Variants in SERPINB5 observed in about 807,000 individuals in gnomAD.
The protein encoded by SERPINB5 is serpin family B member 5.
SERPINB5 carries 27 observed loss-of-function variants against 32.2 expected under a neutral mutation model. The observed-to-expected ratio is 0.84, with a 90% CI of 0.62 to 1.16. The LOEUF is 1.16. Among genes scored for constraint, SERPINB5 ranks in the 50% most tolerant of loss-of-function variants. The pLI is 0.00. For synonymous variants in SERPINB5, 154 were observed against 157.4 expected, an observed-to-expected ratio of 0.98 and a Z score of 0.16; for missense variants, 388 against 436.3, an observed-to-expected ratio of 0.89 and a Z score of 0.99.
At chr18:63,491,810 G>A (rs1909348165) in intron 4 of SERPINB5, among the ~76,000 whole-genome samples, 2 of 152,050 alleles carry the variant, frequency 1.3e-5, no homozygotes, top group Admixed American at 1.3e-4. Context: ...GGGAGGCTCA[G>A]GGTTGAAGTT....
In SERPINB5 at chr18:63,488,186, G is replaced by A. The variant is rs551834607; in HGVS notation, c.306+1103G>A. Among the ~76,000 whole-genome samples the A allele has an allele frequency of 2.6e-5, 4 of 152,304 alleles. No individual in the cohort carries two copies. The East Asian group carries it at 7.7e-4, about 29-fold the overall frequency. On this transcript the variant is annotated intron_variant, in intron 3 of 6. Coordinates refer to ENST00000382771, the MANE Select transcript of SERPINB5 (RefSeq NM_002639.5). ...TTTCTAATGTTTTCAGGTGAGATTG[G>A]TTCTGTCAGTCAATGGTGACAGTGA... is the stretch of plus-strand genomic sequence containing the variant.
At chr18:63,497,445 C>T in intron 5 of SERPINB5, 1 of 768,246 alleles carries the variant, frequency 1.3e-6, no homozygotes, top group South Asian at 1.3e-5. Context: ...TGCGGCTGCA[C>T]ACCATTCTTG....
chr18:63,493,382 A>G, intron 5 of SERPINB5: 1 of 563,790 alleles, frequency 1.8e-6, no homozygotes, highest in South Asian at 2.6e-5. Context: ...AAATAGCTAC[A>G]AACATCTGAG....
chr18:63,490,141 G>C (rs192712263), intron 4 of SERPINB5, among the ~76,000 whole-genome samples: 1 of 152,258 alleles, frequency 6.6e-6, no homozygotes, highest in Non-Finnish European at 1.5e-5. Context: ...GCAGTGAGCA[G>C]AGATCGCGCC....
chr18:63,484,739 ATCTTTTTTT>A, intron 2 of SERPINB5, 143 bp downstream of exon 2: 3 of 144,456 alleles, frequency 2.1e-5, no homozygotes, highest in African/African-American at 5.3e-5. Flanking sequence ...GACTCTCTTA[ATCTTTTTTT>A]TTTTTTTTTT....
chr18:63,497,499 GAAAA>G, intron 5 of SERPINB5: 13 of 222,746 alleles, frequency 5.8e-5, no homozygotes, highest in East Asian at 1.7e-4. Flanking sequence ...CAACGTTTCT[GAAAA>G]AAAAAAAAAA....
intron 3 of SERPINB5, among the ~76,000 whole-genome samples, chr18:63,488,598 T>G (rs1425828132): frequency 6.6e-6 from 1 of 152,208 alleles, no homozygotes; most frequent in African/African-American, 2.4e-5. Context: ...GCATAAGAAC[T>G]ATCTGGGTGT....
intron 2 of SERPINB5, 99 bp from the exon 3 acceptor site, chr18:63,486,842 AGGAGT>A: frequency 8.7e-7 from 1 of 1,148,056 alleles, no homozygotes; most frequent in East Asian, 2.4e-5. Flanking sequence ...ACTAGGCAGG[AGGAGT>A]CTGTATGCCC....
intron 2 of SERPINB5, among the ~76,000 whole-genome samples, chr18:63,484,894 C>A (rs1917184315): frequency 6.6e-6 from 1 of 151,876 alleles, no homozygotes; most frequent in South Asian, 2.1e-4. Flanking sequence ...GCGCGTGCCA[C>A]AACGCCAGGC....
At chr18:63,491,783 A>T (rs900308753) in intron 4 of SERPINB5, among the ~76,000 whole-genome samples, 40 of 152,080 alleles carry the variant, frequency 2.6e-4, no homozygotes, top group African/African-American at 9.7e-4. Flanking sequence ...CCATGAAAAG[A>T]CTTCTGAGTT....
intron 6 of SERPINB5, among the ~76,000 whole-genome samples, chr18:63,501,217 T>C (rs1346902050): frequency 2.0e-4 from 22 of 110,752 alleles, no homozygotes; most frequent in Admixed American, 3.5e-4. Context: ...CAACAGGCCC[T>C]GGTGTGTGGT....
intron 2 of SERPINB5, among the ~76,000 whole-genome samples, chr18:63,486,393 C>T (rs117877686): frequency 2.6e-4 from 39 of 152,316 alleles, no homozygotes; most frequent in Non-Finnish European, 5.6e-4. Flanking sequence ...ACTAGACAGA[C>T]TCTGGCTAGA....
chr18:63,497,993 T>A (rs1337312791), intron 5 of SERPINB5, among the ~76,000 whole-genome samples: 1 of 152,200 alleles, frequency 6.6e-6, no homozygotes, highest in Non-Finnish European at 1.5e-5. Context: ...TAGGTGGCAG[T>A]ACAGTGGGGA....
intron 4 of SERPINB5, among the ~76,000 whole-genome samples, chr18:63,491,638 C>T (rs1393820575): frequency 6.6e-6 from 1 of 151,808 alleles, no homozygotes; most frequent in Non-Finnish European, 1.5e-5. Context: ...CTACGCCCAG[C>T]TAATCTTTGT....
chr18:63,489,692 C>T (rs1173240177), intron 4 of SERPINB5, among the ~76,000 whole-genome samples: 1 of 152,144 alleles, frequency 6.6e-6, no homozygotes, highest in East Asian at 1.9e-4. Context: ...TGTTAGTTTA[C>T]TTTGTCTTGC....
At chr18:63,491,570 G>A (rs1402457197) in intron 4 of SERPINB5, among the ~76,000 whole-genome samples, 2 of 151,630 alleles carry the variant, frequency 1.3e-5, no homozygotes, top group Non-Finnish European at 2.9e-5. Context: ...CGCCTCCCAG[G>A]TTCAAGGGAT....
In SERPINB5 at chr18:63,503,630, G is replaced by A. The variant is rs1375434696; in HGVS notation, c.1036G>A (p.Asp346Asn). The part of the protein sequence containing the change: ...VPGARILQHK[D>N]ELNADHPFIY... ...AGGAGCACGGATCCTGCAGCACAAG[G>A]ATGAATTGAATGCTGACCATCCCTT... is the stretch of plus-strand genomic sequence containing the variant. Residue 346 changes from aspartate (D) to asparagine (N), a missense_variant, in exon 7 of 7, where the codon GAT becomes AAT. Coordinates refer to ENST00000382771, the MANE Select transcript of SERPINB5 (RefSeq NM_002639.5). 4.3e-6 allele frequency: 7 copies of A among 1,614,208 alleles called. No homozygotes were observed. The South Asian group carries it at 6.6e-5, about 15-fold the overall frequency.
intron 5 of SERPINB5, chr18:63,497,499 G>GAAAAAAAAAAAAAAAAAAAAAAA (rs60323388): frequency 1.1e-4 from 23 of 217,036 alleles, no homozygotes; most frequent in African/African-American, 5.7e-4. Context: ...CAACGTTTCT[G>GAAAAAAAAAAAAAAAAAAAAAAA]AAAAAAAAAA....
chr18:63,497,306 A>G, intron 5 of SERPINB5: 1 of 1,271,880 alleles, frequency 7.9e-7, no homozygotes, highest in Admixed American at 1.7e-5. Context: ...CTCAAGCAGC[A>G]GCTCTTCTCC....
Sources: allele counts gnomAD v4.1 joint callset (sites outside exome capture counted in the v4.1 genomes callset), GRCh38; gene constraint gnomAD v4.1.1; transcripts MANE v1.5; gene names NCBI Gene and HGNC (gene_info 2026-07-23, HGNC 2026-07-21).